Variants in KLHL4 observed in about 807,000 individuals in gnomAD.
The protein encoded by KLHL4 is kelch like family member 4.
Under a neutral mutation model 45.8 loss-of-function variants are expected in KLHL4, and 17 were observed. The observed-to-expected ratio is 0.37, with a 90% confidence interval of 0.25 to 0.56. The LOEUF (loss-of-function observed/expected upper bound fraction) is 0.56, where lower values mean the gene tolerates loss of function less well. KLHL4 is among the 20% of genes least tolerant of loss of function. The probability of loss-of-function intolerance (pLI) is 0.79; values close to 1 mark genes in which losing one functional copy is unlikely to be tolerated. For missense variants in KLHL4, 544 were observed against 544.9 expected, an observed-to-expected ratio of 1.00 and a Z score of 0.02; for synonymous variants, 224 against 189.9, an observed-to-expected ratio of 1.18 and a Z score of -1.47.
At chrX:87,610,206 A>G (rs1156962617) in intron 1 of KLHL4, among the ~76,000 whole-genome samples, 1 of 111,653 alleles carries the variant, frequency 9.0e-6, no homozygotes, top group Non-Finnish European at 1.9e-5. Context: ...TGACATACTT[A>G]TTTGTTTACA....
intron 1 of KLHL4, among the ~76,000 whole-genome samples, chrX:87,602,705 T>A (rs1244398670): frequency 2.7e-5 from 3 of 111,689 alleles, no homozygotes; most frequent in Non-Finnish European, 5.7e-5. Context: ...ATCCCTCTTG[T>A]TAAACAACTT....
chrX:87,670,018 T>G lies in KLHL4; in HGVS notation c.*3484T>G, dbSNP rs1924514552. 8.9e-6 allele frequency: 1 copy of G among 111,764 alleles called. No individual in the cohort carries two copies. The highest frequency in any genetic ancestry group is 3.2e-5 in the African/African-American group (1 of 30,778). The allele number at this position is 111,764 out of a possible 1,213,427, so 9.2% of individuals were successfully genotyped here. A position where few individuals can be genotyped will look rare whatever the true frequency, so the allele number is the denominator to read the frequency against. ...TGCCATAATATATATGATTTATGAA[T>G]TATAGTAATATTAATAAAAGTGTTA... On this transcript the variant is annotated 3_prime_UTR_variant, in exon 11 of 11. Transcript: ENST00000373119.
intron 1 of KLHL4, among the ~76,000 whole-genome samples, chrX:87,607,327 T>C (rs900295289): frequency 9.0e-6 from 1 of 111,167 alleles, no homozygotes; most frequent in African/African-American, 3.3e-5. Flanking sequence ...TTCCGTAGCA[T>C]TGATTTCAAG....
At chrX:87,587,167 AAGCCCAGGACCCATG>A (rs1921507018) in intron 1 of KLHL4, among the ~76,000 whole-genome samples, 1 of 107,391 alleles carries the variant, frequency 9.3e-6, no homozygotes, top group Admixed American at 1.0e-4. Flanking sequence ...AAAAAAAAAA[AAGCCCAGGACCCATG>A]GCTTCACTGC....
chrX:87,641,299 C>T (rs2147830098), intron 9 of KLHL4, among the ~76,000 whole-genome samples: 1 of 111,937 alleles, frequency 8.9e-6, no homozygotes, highest in Non-Finnish European at 1.9e-5. Context: ...GGTCTGTTTG[C>T]AGGAGAAGTT....
intron 1 of KLHL4, among the ~76,000 whole-genome samples, chrX:87,609,985 G>A (rs1202021408): frequency 9.0e-6 from 1 of 111,535 alleles, no homozygotes; most frequent in Non-Finnish European, 1.9e-5. Flanking sequence ...CACCACTGGG[G>A]ATCACATTTC....
At chrX:87,625,067 T>C (rs1433860217) in intron 5 of KLHL4, among the ~76,000 whole-genome samples, 1 of 112,667 alleles carries the variant, frequency 8.9e-6, no homozygotes, top group Non-Finnish European at 1.9e-5. Context: ...GACAGAGCCA[T>C]TCTCTTTAAC....
intron 1 of KLHL4, among the ~76,000 whole-genome samples, chrX:87,579,139 G>A (rs1406846959): frequency 9.0e-6 from 1 of 110,745 alleles, no homozygotes; most frequent in African/African-American, 3.3e-5. Flanking sequence ...AGGCAAGAAG[G>A]GAGAGGAGTG....
At chrX:87,589,924 G>C (rs1921604477) in intron 1 of KLHL4, among the ~76,000 whole-genome samples, 2 of 108,702 alleles carry the variant, frequency 1.8e-5, no homozygotes, top group Admixed American at 2.0e-4. Context: ...TGTAATCCCA[G>C]CTACGTGGGA....
intron 4 of KLHL4, among the ~76,000 whole-genome samples, chrX:87,620,346 T>C (rs765713206): frequency 9.8e-5 from 11 of 112,034 alleles, no homozygotes; most frequent in Non-Finnish European, 1.1e-4. Context: ...TGAAACTAAT[T>C]AATTCTATAC....
At chrX:87,577,714 G>T (rs1921143106) in intron 1 of KLHL4, among the ~76,000 whole-genome samples, 1 of 111,529 alleles carries the variant, frequency 9.0e-6, no homozygotes, top group Non-Finnish European at 1.9e-5. Context: ...ATGGGAAAAG[G>T]ATTAAAGCTC....
At chrX:87,593,684 C>T (rs1030275854) in intron 1 of KLHL4, among the ~76,000 whole-genome samples, 6 of 110,711 alleles carry the variant, frequency 5.4e-5, no homozygotes, top group Non-Finnish European at 9.5e-5. Flanking sequence ...TCTGGTGAGT[C>T]CAATGTGTAG....
At chrX:87,580,327 G>GGA (rs1921232327) in intron 1 of KLHL4, among the ~76,000 whole-genome samples, 1 of 96,412 alleles carries the variant, frequency 1.0e-5, no homozygotes, top group Non-Finnish European at 2.1e-5. Context: ...TTGCAAGACA[G>GGA]AAAAAAAAAA....
At chrX:87,532,822 T>C (rs1931327139) in intron 1 of KLHL4, among the ~76,000 whole-genome samples, 1 of 110,998 alleles carries the variant, frequency 9.0e-6, no homozygotes, top group Non-Finnish European at 1.9e-5. Flanking sequence ...TATCAACATA[T>C]CCAGAATCTA....
At position 87,668,457 on chromosome X, in the gene KLHL4, TCCCGGGGCTAC is replaced by T. The variant is rs1208100814; in HGVS notation, c.*1927_*1937del. 23 of 751,822 alleles carry T rather than the reference TCCCGGGGCTAC, an allele frequency of 3.1e-5. No individual in the cohort carries two copies. The highest frequency in any genetic ancestry group is 6.9e-5 in the African/African-American group (3 of 43,260). The allele number at this position is 751,822 out of a possible 1,213,427, so 62.0% of individuals were successfully genotyped here. A position where few individuals can be genotyped will look rare whatever the true frequency, so the allele number is the denominator to read the frequency against. On this transcript the variant is annotated 3_prime_UTR_variant, in exon 11 of 11. Transcript: ENST00000373119. Reference sequence around the variant, plus strand: ...GACTCATAGAAGAGACATGTATGTTTCCCGGGGCTACCCCTTCATAGCTGCATTTAAAAATG... The same window carrying T: ...GACTCATAGAAGAGACATGTATGTTTCCCTTCATAGCTGCATTTAAAAATG...
At chrX:87,654,604 C>G (rs781479454) in intron 9 of KLHL4, among the ~76,000 whole-genome samples, 1 of 111,499 alleles carries the variant, frequency 9.0e-6, no homozygotes, top group African/African-American at 3.3e-5. Context: ...CTGCACTAAA[C>G]CTATAAGTGC....
rs1924411283 is a variant in KLHL4 at position 87,667,515 on chromosome X, T to A, written c.*981T>A. On this transcript the variant is annotated 3_prime_UTR_variant, in exon 11 of 11. Coordinates refer to ENST00000373119, the MANE Select transcript of KLHL4 (RefSeq NM_019117.5). ...ATAAGCCTGGTCAATTCTATAGTTATCTTTTTTGTACCAACACATGCTTTT... is the reference window on the plus strand; with the variant it reads ...ATAAGCCTGGTCAATTCTATAGTTAACTTTTTTGTACCAACACATGCTTTT... 1 of 732,126 alleles carries A rather than the reference T, an allele frequency of 1.4e-6. No individual in the cohort carries two copies. The highest frequency in any genetic ancestry group is 1.6e-6 in the Non-Finnish European group (1 of 619,259). The allele number at this position is 732,126 out of a possible 1,213,427, so 60.3% of individuals were successfully genotyped here.
intron 1 of KLHL4, among the ~76,000 whole-genome samples, chrX:87,598,047 T>C (rs1399039537): frequency 9.1e-6 from 1 of 110,005 alleles, no homozygotes; most frequent in African/African-American, 3.3e-5. Context: ...AATATAGGAA[T>C]AGAATTATTA....
chrX:87,664,724 T>C (rs1401680087), intron 9 of KLHL4, 40 bp from the exon 10 acceptor site: 1 of 1,008,292 alleles, frequency 9.9e-7, no homozygotes, highest in South Asian at 2.2e-5. Flanking sequence ...TGTAACTCTA[T>C]TGGACTTTTC....
Sources: allele counts gnomAD v4.1 joint callset (sites outside exome capture counted in the v4.1 genomes callset), GRCh38; gene constraint gnomAD v4.1.1; transcripts MANE v1.5; gene names NCBI Gene and HGNC (gene_info 2026-07-23, HGNC 2026-07-21).